The following RAPGEF2 variants were observed in gnomAD, a reference collection of about 807,000 sequenced individuals.
RAPGEF2 encodes Rap guanine nucleotide exchange factor 2.
In RAPGEF2, 54 loss-of-function variants were observed where a neutral mutation model predicts 186.7. That is an observed-to-expected ratio of 0.29 (90% CI 0.23 to 0.36). The LOEUF is 0.36. Ranked by LOEUF, RAPGEF2 falls within the 10% of genes least tolerant of loss-of-function variation. RAPGEF2 has a pLI of 1.00. For synonymous variants in RAPGEF2, 712 were observed against 705.9 expected, an observed-to-expected ratio of 1.01 and a Z score of -0.14; for missense variants, 1,532 against 2,045.0, an observed-to-expected ratio of 0.75 and a Z score of 4.84.
chr4:159,351,243 A>T, intron 26 of RAPGEF2: 1 of 1,453,508 alleles, frequency 6.9e-7, no homozygotes, highest in Non-Finnish European at 9.1e-7. Context: ...TAGTTAATGA[A>T]AATGGGAGAA....
At chr4:159,138,280 A>G (rs911946317) in intron 1 of RAPGEF2, among the ~76,000 whole-genome samples, 13 of 152,204 alleles carry the variant, frequency 8.5e-5, no homozygotes, top group Non-Finnish European at 1.6e-4. Context: ...TAAAACATCT[A>G]AAAGCACTGA....
intron 1 of RAPGEF2, among the ~76,000 whole-genome samples, chr4:159,120,014 T>A (rs1374904599): frequency 1.3e-5 from 2 of 152,182 alleles, no homozygotes; most frequent in Non-Finnish European, 2.9e-5. Flanking sequence ...CAAAGCTGAA[T>A]CATCATTTCT....
At chr4:159,343,552 T>C in intron 22 of RAPGEF2, 148 bp downstream of exon 22, 1 of 1,065,428 alleles carries the variant, frequency 9.4e-7, no homozygotes, top group Non-Finnish European at 1.3e-6. Flanking sequence ...ACCTGTGAGC[T>C]CTAATTTGGA....
At chr4:159,337,612 G>A (rs1286097356) in intron 17 of RAPGEF2, among the ~76,000 whole-genome samples, 3 of 151,734 alleles carry the variant, frequency 2.0e-5, no homozygotes, top group South Asian at 2.1e-4. Context: ...AGGTTTGGCC[G>A]GGCGTGGTGG....
chr4:159,295,748 T>TGCGC (rs1344833740), intron 7 of RAPGEF2, among the ~76,000 whole-genome samples: 2 of 112,090 alleles, frequency 1.8e-5, no homozygotes, highest in South Asian at 5.5e-4. Context: ...TGTGTGTGTG[T>TGCGC]GTGTGTGCGC....
chr4:159,150,309 A>T (rs1743402429), intron 1 of RAPGEF2, among the ~76,000 whole-genome samples: 10 of 152,228 alleles, frequency 6.6e-5, no homozygotes, highest in Admixed American at 5.9e-4. Context: ...ATTAATACAT[A>T]ACCCCATATT....
intron 1 of RAPGEF2, among the ~76,000 whole-genome samples, chr4:159,133,465 G>A (rs1741331317): frequency 6.6e-6 from 1 of 151,164 alleles, no homozygotes; most frequent in Admixed American, 6.6e-5. Context: ...AGGCTGGAGT[G>A]TAGTGGTGCG....
chr4:159,129,592 A>G lies in RAPGEF2; in HGVS notation c.69+25361A>G, dbSNP rs567153594. On this transcript the variant is annotated intron_variant, in intron 1 of 29. Coordinates refer to ENST00000691494, the MANE Select transcript of RAPGEF2 (RefSeq NM_001394067.2). The stretch of plus-strand genomic sequence containing the variant: ...TGAAGAAACTGAGATGCAGGGATTA[A>G]GTAATTTGCTTAAGAACAAATAACT... Among the ~76,000 whole-genome samples, 60 of 152,374 alleles carry G rather than the reference A, an allele frequency of 3.9e-4. 2 individuals are homozygous for G. In the South Asian group the frequency reaches 0.012, roughly 30 times the overall value.
At chr4:159,332,355 A>G (rs1766804719) in intron 16 of RAPGEF2, 96 bp from the exon 17 acceptor site, 1 of 1,300,950 alleles carries the variant, frequency 7.7e-7, no homozygotes, top group East Asian at 2.3e-5. Context: ...TGAAGTCTGT[A>G]CTTCTCATAT....
At position 159,339,161 on chromosome 4, in the gene RAPGEF2, C is replaced by T. The variant is rs113359795; in HGVS notation, c.2341C>T (p.Arg781Cys). The T allele has an allele frequency of 1.2e-6, 2 of 1,614,074 alleles. No homozygotes were observed. Among genetic ancestry groups the T allele is most frequent in the Non-Finnish European group, 1.7e-6 (2 of 1,179,996 alleles). The part of the protein sequence containing the change: ...LRVFKADQQS[R>C]YIMISKDTTA... Reference sequence around the variant, plus strand: ...GGTTTTTAAGGCTGATCAGCAAAGCCGCTACATCATGATCAGTAAGGACAC... The same window carrying T: ...GGTTTTTAAGGCTGATCAGCAAAGCTGCTACATCATGATCAGTAAGGACAC... The change falls in exon 19 of 30, where the codon CGC (arginine) becomes TGC (cysteine). Residue 781 changes from arginine to cysteine, a missense_variant. Physicochemically the swap from Arg to Cys is radical, Grantham distance 180. Around this residue, in one of 4 missense-constraint regions of RAPGEF2, gnomAD observed 810 missense variants for 1,210.5 expected, o/e 0.67. Coordinates refer to ENST00000691494, the MANE Select transcript of RAPGEF2 (RefSeq NM_001394067.2).
At chr4:159,132,777 G>A (rs986599116) in intron 1 of RAPGEF2, among the ~76,000 whole-genome samples, 3 of 151,632 alleles carry the variant, frequency 2.0e-5, no homozygotes, top group Admixed American at 6.6e-5. Context: ...AGTTATGTGC[G>A]TTTTAAGTGT....
intron 3 of RAPGEF2, among the ~76,000 whole-genome samples, chr4:159,195,618 C>A (rs1318168211): frequency 6.6e-6 from 1 of 152,116 alleles, no homozygotes; most frequent in Non-Finnish European, 1.5e-5. Context: ...AAGATTTGAG[C>A]CCAGACATTG....
intron 1 of RAPGEF2, among the ~76,000 whole-genome samples, chr4:159,125,715 G>A (rs186675274): frequency 1.2e-3 from 175 of 151,728 alleles, no homozygotes; most frequent in Middle Eastern, 3.4e-3. Flanking sequence ...CTGAGATTGC[G>A]GCACTGCACT....
At chr4:159,144,789 T>G (rs1742729447) in intron 1 of RAPGEF2, among the ~76,000 whole-genome samples, 1 of 152,106 alleles carries the variant, frequency 6.6e-6, no homozygotes. Context: ...AGAGAAAGCA[T>G]AGCTCTAACC....
chr4:159,327,144 TTTTA>T (rs1273057121), intron 11 of RAPGEF2: 4 of 152,240 alleles, frequency 2.6e-5, no homozygotes, highest in Non-Finnish European at 4.4e-5. Context: ...TGAAGTTTAA[TTTTA>T]TTTCATTCAT....
chr4:159,230,233 G>A (rs187604890), intron 4 of RAPGEF2, among the ~76,000 whole-genome samples: 2 of 151,982 alleles, frequency 1.3e-5, no homozygotes, highest in Admixed American at 6.6e-5. Context: ...CTTATCAAAC[G>A]CTGGTGTCTG....
intron 7 of RAPGEF2, among the ~76,000 whole-genome samples, chr4:159,303,730 CTA>C (rs751019145): frequency 6.6e-5 from 10 of 151,590 alleles, no homozygotes; most frequent in Non-Finnish European, 1.2e-4. Flanking sequence ...TTAATAGAGA[CTA>C]TTTTTATTTA....
rs570194783 is a variant in RAPGEF2 at position 159,293,841 on chromosome 4, C to T, written c.544-10501C>T. On this transcript the variant is annotated intron_variant, in intron 7 of 29. Transcript: ENST00000691494. ...TCAATGCAAAGCTTGCGTTTTCTTC[C>T]AACAGAGACTCTCTTTAATGGAAAG... Among the ~76,000 whole-genome samples the T allele has an allele frequency of 1.4e-4, 21 of 152,234 alleles. No homozygotes were observed. In the South Asian group the frequency reaches 2.7e-3, roughly 20 times the overall value.
chr4:159,105,766 A>G (rs1737801737), intron 1 of RAPGEF2, among the ~76,000 whole-genome samples: 1 of 152,224 alleles, frequency 6.6e-6, no homozygotes, highest in Non-Finnish European at 1.5e-5. Context: ...GTGAAGGAAA[A>G]GCAGATTTCA....
Sources: gnomAD v4.1 joint callset for allele counts (sites outside exome capture counted in the v4.1 genomes callset) on GRCh38, gnomAD v4.1.1 for gene constraint, gnomAD v4.1.1 regional missense constraint, MANE v1.5 for transcripts, NCBI Gene and HGNC (gene_info 2026-07-23, HGNC 2026-07-21) for gene names.